Variants in MCTP1 observed in about 807,000 individuals in gnomAD.
The protein encoded by MCTP1 is multiple C2 and transmembrane domain containing 1, also known as multiple C2 and transmembrane domain-containing protein 1.
In MCTP1, 69 loss-of-function variants were observed where a neutral mutation model predicts 120.6. The ratio of observed to expected loss-of-function variants is 0.57; its 90% CI spans 0.47 to 0.70. The LOEUF (loss-of-function observed/expected upper bound fraction) is 0.70. Ranked by LOEUF, MCTP1 falls within the 30% of genes least tolerant of loss-of-function variation. The pLI is 0.00. For synonymous variants in MCTP1, 529 were observed against 493.1 expected (o/e 1.07, Z -0.96); for missense variants, 1,203 against 1,248.8 (o/e 0.96, Z 0.55).
At chr5:94,929,279 C>T (rs889709707) in intron 6 of MCTP1, among the ~76,000 whole-genome samples, 2 of 152,212 alleles carry the variant, frequency 1.3e-5, no homozygotes, top group East Asian at 1.9e-4. Context: ...AAAATTTACA[C>T]TTCTTAGATT....
At chr5:94,873,384 C>A in intron 12 of MCTP1, 143 bp from the exon 13 acceptor site, 1 of 508,486 alleles carries the variant, frequency 2.0e-6, no homozygotes, top group East Asian at 3.2e-5. Context: ...AAAAAAGAAA[C>A]CACCATCAAA....
At chr5:95,141,367 AG>A (rs1292665126) in intron 1 of MCTP1, among the ~76,000 whole-genome samples, 1 of 152,248 alleles carries the variant, frequency 6.6e-6, no homozygotes, top group Non-Finnish European at 1.5e-5. Flanking sequence ...AAAACACTTC[AG>A]TAATCCACTA....
chr5:95,034,745 C>A (rs921712489), intron 1 of MCTP1, among the ~76,000 whole-genome samples: 3 of 152,048 alleles, frequency 2.0e-5, no homozygotes, highest in Admixed American at 2.0e-4. Flanking sequence ...TAAAGAGCTT[C>A]TGTACGGCAA....
intron 6 of MCTP1, chr5:94,931,641 T>C (rs990332322): frequency 3.6e-6 from 1 of 277,098 alleles, no homozygotes; most frequent in Non-Finnish European, 6.7e-6. Flanking sequence ...GAGTTGTCCC[T>C]CCCCTAGCCT....
At chr5:95,127,061 C>T (rs1758688271) in intron 1 of MCTP1, among the ~76,000 whole-genome samples, 1 of 152,076 alleles carries the variant, frequency 6.6e-6, no homozygotes, top group South Asian at 2.1e-4. Flanking sequence ...GAGAGCAATG[C>T]AAGAAAGAAC....
intron 1 of MCTP1, among the ~76,000 whole-genome samples, chr5:95,098,219 G>C (rs1031048310): frequency 6.6e-6 from 1 of 152,108 alleles, no homozygotes; most frequent in South Asian, 2.1e-4. Flanking sequence ...TTCTTCTCTT[G>C]TTACAGGTGA....
chr5:94,895,592 A>G (rs1385074407), intron 10 of MCTP1, among the ~76,000 whole-genome samples: 1 of 152,250 alleles, frequency 6.6e-6, no homozygotes. Flanking sequence ...AAAGGCATTT[A>G]AAATAGGAAA....
intron 8 of MCTP1, 127 bp downstream of exon 8, chr5:94,917,769 A>G (rs1810466137): frequency 4.7e-6 from 3 of 634,672 alleles, no homozygotes; most frequent in African/African-American, 1.8e-5. Flanking sequence ...TAAGATTACA[A>G]TTCCTTTTCA....
chr5:95,206,326 C>T (rs2152560386), intron 1 of MCTP1, among the ~76,000 whole-genome samples: 1 of 152,222 alleles, frequency 6.6e-6, no homozygotes, highest in African/African-American at 2.4e-5. Context: ...TGACAGAACA[C>T]AGATTAGTGG....
chr5:94,815,362 C>A (rs1252858954), intron 17 of MCTP1, among the ~76,000 whole-genome samples: 2 of 152,154 alleles, frequency 1.3e-5, no homozygotes, highest in Non-Finnish European at 2.9e-5. Flanking sequence ...TGGGCCCTGG[C>A]AGATTTCCCC....
chr5:95,072,992 G>A (rs924170439), intron 1 of MCTP1, among the ~76,000 whole-genome samples: 8 of 151,908 alleles, frequency 5.3e-5, no homozygotes, highest in Non-Finnish European at 7.4e-5. Context: ...TGATCCGTTC[G>A]CCTTGGCCTC....
intron 1 of MCTP1, among the ~76,000 whole-genome samples, chr5:95,055,709 A>C (rs899036408): frequency 5.3e-5 from 8 of 152,208 alleles, no homozygotes; most frequent in African/African-American, 1.7e-4. Context: ...GTAGATTCAG[A>C]TCTTGCCTGT....
rs565693149 is a variant in MCTP1, at chr5:95,176,486, C to T, written c.720+107370G>A. On this transcript the variant is annotated intron_variant, in intron 1 of 22. Coordinates refer to ENST00000515393, the MANE Select transcript of MCTP1 (RefSeq NM_024717.7). ...GTTGGAGTGAGCTGAGATTGTACTACTGCACTCCAGCCTGGGCGACAAAGT... is the reference window on the plus strand; with the variant it reads ...GTTGGAGTGAGCTGAGATTGTACTATTGCACTCCAGCCTGGGCGACAAAGT... Among the ~76,000 whole-genome samples, 49 of 152,292 alleles carry T rather than the reference C, an allele frequency of 3.2e-4. 1 individual carries two copies. In the South Asian group the frequency reaches 6.2e-3, roughly 19 times the overall value.
intron 1 of MCTP1, among the ~76,000 whole-genome samples, chr5:95,154,018 A>C (rs1487106643): frequency 1.3e-5 from 2 of 152,216 alleles, no homozygotes; most frequent in African/African-American, 4.8e-5. Flanking sequence ...TAATTTTAAT[A>C]ATGAAACAAA....
At chr5:94,809,829 C>T (rs921536313) in intron 17 of MCTP1, among the ~76,000 whole-genome samples, 25 of 152,128 alleles carry the variant, frequency 1.6e-4, no homozygotes, top group Non-Finnish European at 2.8e-4. Context: ...CGCTGTTAAA[C>T]TCACTGAAGC....
At chr5:95,164,671 C>G (rs953349671) in intron 1 of MCTP1, among the ~76,000 whole-genome samples, 3 of 152,032 alleles carry the variant, frequency 2.0e-5, no homozygotes, top group Non-Finnish European at 4.4e-5. Flanking sequence ...TTAACATACA[C>G]TATATGTTAA....
rs186029576 is a variant in MCTP1 at position 95,028,811 on chromosome 5, T to C, written c.721-11327A>G. On this transcript the variant is annotated intron_variant, in intron 1 of 22. Coordinates refer to ENST00000515393, the MANE Select transcript of MCTP1 (RefSeq NM_024717.7). ...AAAATACTATCCTGTCTGATATTTG[T>C]TTTCTAATCTTTAAAATAGGTAATA... Among the ~76,000 whole-genome samples the C allele has an allele frequency of 1.4e-4, 22 of 152,350 alleles. 2 individuals carry two copies. Among genetic ancestry groups the C allele is most frequent in the African/African-American group, 4.6e-4 (19 of 41,586 alleles).
chr5:94,946,180 T>C (rs1477852608), intron 3 of MCTP1, among the ~76,000 whole-genome samples: 1 of 152,186 alleles, frequency 6.6e-6, no homozygotes, highest in African/African-American at 2.4e-5. Context: ...CAGAGCTTCC[T>C]CATCATTACT....
At chr5:94,907,375 A>C (rs933739562) in intron 10 of MCTP1, among the ~76,000 whole-genome samples, 1 of 152,198 alleles carries the variant, frequency 6.6e-6, no homozygotes, top group Admixed American at 6.5e-5. Context: ...GTAAACCAGT[A>C]TAAACCACTA....
Sources: gnomAD v4.1 joint callset for allele counts (sites outside exome capture counted in the v4.1 genomes callset) on GRCh38, gnomAD v4.1.1 for gene constraint, MANE v1.5 for transcripts, NCBI Gene and HGNC (gene_info 2026-07-23, HGNC 2026-07-21) for gene names.